Variants in C1QL3 observed in about 807,000 individuals in gnomAD.
The protein encoded by C1QL3 is complement C1q-like protein 3.
A neutral mutation model predicts 16.6 loss-of-function variants in C1QL3; 4 were observed. The observed-to-expected ratio is 0.24, with a 90% CI of 0.12 to 0.55. The LOEUF is 0.55. C1QL3 is among the 20% of genes least tolerant of loss of function. The pLI is 0.94. For synonymous variants in C1QL3, 189 were observed against 160.2 expected, an observed-to-expected ratio of 1.18 and a Z score of -1.36; for missense variants, 269 against 365.6, an observed-to-expected ratio of 0.74 and a Z score of 2.16.
Position 16,520,451 on chromosome 10 carries a change from C to CCCAA in C1QL3, c.588+26_588+27insTTGG. 17 of 1,268,026 alleles carry CCCAA rather than the reference C, an allele frequency of 1.3e-5. No homozygotes were observed. The highest frequency in any genetic ancestry group is 1.9e-5 in the Non-Finnish European group (17 of 905,324). The allele number at this position is 1,268,026 out of a possible 1,614,324, so 78.5% of individuals were successfully genotyped here. A position where few individuals can be genotyped will look rare whatever the true frequency, so the allele number is the denominator to read the frequency against. ...CGCACCTTCCCGCGCTCCCTCCCCGCCCTCCCCGCCGCCCGCCCGCGCTCA... is the reference window on the plus strand; with the variant it reads ...CGCACCTTCCCGCGCTCCCTCCCCGCCCAACCTCCCCGCCGCCCGCCCGCGCTCA... On this transcript the variant is annotated intron_variant, in intron 1 of 1. Transcript: ENST00000298943. This position sits in a 1 kb window ranked among gnomAD's most constrained non-coding sequence, Gnocchi z 8.3.
chr10:16,515,637 A>T (rs930873547), intron 1 of C1QL3, among the ~76,000 whole-genome samples: 3 of 152,150 alleles, frequency 2.0e-5, no homozygotes, highest in Non-Finnish European at 4.4e-5. Context: ...CAAACAGTCA[A>T]ATTGCCTATC....
At chr10:16,517,955 T>C (rs45438202) in intron 1 of C1QL3, among the ~76,000 whole-genome samples, 40,472 of 152,026 alleles carry the variant, frequency 0.27, 5,668 homozygotes, top group Middle Eastern at 0.4. Flanking sequence ...GGCTCTCATA[T>C]GGTTACAGTC....
intron 1 of C1QL3, among the ~76,000 whole-genome samples, chr10:16,518,826 G>A (rs1200288970): frequency 6.6e-6 from 1 of 152,102 alleles, no homozygotes; most frequent in Non-Finnish European, 1.5e-5. Context: ...ATAAAGGGGT[G>A]TCTCATGGCT....
chr10:16,519,140 C>CTGTTTTTTTTTTTTTTTT, intron 1 of C1QL3, among the ~76,000 whole-genome samples: 1 of 39,458 alleles, frequency 2.5e-5, no homozygotes, highest in African/African-American at 1.5e-4. Flanking sequence ...GCATTTAGGA[C>CTGTTTTTTTTTTTTTTTT]TTTTTTTTTT....
chr10:16,514,454 A>T lies in C1QL3; in HGVS notation c.*74T>A. ...TGCCCTGCCATTGGCATCCCCTGGGATCCTTGATTCACTGACGTTAGCCAT... is the reference window on the plus strand; with the variant it reads ...TGCCCTGCCATTGGCATCCCCTGGGTTCCTTGATTCACTGACGTTAGCCAT... On this transcript the variant is annotated 3_prime_UTR_variant, in exon 2 of 2. Coordinates refer to ENST00000298943, the MANE Select transcript of C1QL3 (RefSeq NM_001010908.2). 7.5e-7 allele frequency: 1 copy of T among 1,329,292 alleles called. No individual in the cohort carries two copies. The highest frequency in any genetic ancestry group is 1.3e-5 in the South Asian group (1 of 74,918). 82.3% of individuals were successfully genotyped at this position (1,329,292 alleles called of 1,614,324 possible). A position where few individuals can be genotyped will look rare whatever the true frequency, so the allele number is the denominator to read the frequency against.
chr10:16,520,825 G>A lies in C1QL3; in HGVS notation c.241C>T (p.Pro81Ser). 3 of 1,365,416 alleles carry A rather than the reference G, an allele frequency of 2.2e-6. No individual in the cohort carries two copies. Among genetic ancestry groups the A allele is most frequent in the South Asian group, 3.5e-5 (2 of 57,586 alleles). 84.6% of individuals were successfully genotyped at this position (1,365,416 alleles called of 1,614,324 possible). The change falls in exon 1 of 2, where the codon CCC (proline) becomes TCC (serine). Residue 81 changes from proline to serine, a missense_variant. Pro to Ser is a moderately conservative substitution (Grantham distance 74, BLOSUM62 -1). Coordinates refer to ENST00000298943, the MANE Select transcript of C1QL3 (RefSeq NM_001010908.2). This position sits in a 1 kb window ranked among gnomAD's most constrained non-coding sequence, Gnocchi z 8.3. The stretch of plus-strand genomic sequence containing the variant: ...GGCCCCATGGGGCCGGGTGGCCCGG[G>A]CTCTCCGGGGGGCCCGCGCGGACCC... ...KAGPRGPPGEPGPPGPMGPPG... is the reference protein window; with the variant it reads ...KAGPRGPPGESGPPGPMGPPG...
At position 16,521,551 on chromosome 10, in the gene C1QL3, G is replaced by T; in HGVS notation, c.-486C>A. On this transcript the variant is annotated 5_prime_UTR_variant, in exon 1 of 2. Transcript: ENST00000298943. Reference sequence around the variant, plus strand: ...GCCTGTTCGCACCAACTTTCCGTCTGAAGTTGCCTTTTTCTGCCTCCTCCT... The same window carrying T: ...GCCTGTTCGCACCAACTTTCCGTCTTAAGTTGCCTTTTTCTGCCTCCTCCT... The T allele has an allele frequency of 6.5e-6, 1 of 153,646 alleles. No individual in the cohort carries two copies. The allele number at this position is 153,646 out of a possible 1,614,324, so 9.5% of individuals were successfully genotyped here.
Position 16,514,381 on chromosome 10 carries a change from G to C in C1QL3, c.*147C>G. 1 of 646,948 alleles carries C rather than the reference G, an allele frequency of 1.5e-6. No homozygotes were observed. Among genetic ancestry groups the C allele is most frequent in the Non-Finnish European group, 2.7e-6 (1 of 366,988 alleles). The allele number at this position is 646,948 out of a possible 1,614,324, so 40.1% of individuals were successfully genotyped here. On this transcript the variant is annotated 3_prime_UTR_variant, in exon 2 of 2. Transcript: ENST00000298943. ...TTACATAATGTTTCTGAGTGATACA[G>C]ATGTGAGTCAGGTAGCATTTGATTT...
intron 1 of C1QL3, among the ~76,000 whole-genome samples, chr10:16,517,524 T>C (rs1836969879): frequency 6.6e-6 from 1 of 152,224 alleles, no homozygotes. Context: ...TTCTTCATGT[T>C]TTCTGCTAAA....
intron 1 of C1QL3, among the ~76,000 whole-genome samples, chr10:16,519,140 C>CTTTTTTGTTTTTTTTTTTTTTT (rs1836996831): frequency 5.1e-5 from 2 of 39,476 alleles, no homozygotes; most frequent in African/African-American, 1.5e-4. Context: ...GCATTTAGGA[C>CTTTTTTGTTTTTTTTTTTTTTT]TTTTTTTTTT....
rs567187339 is a variant in C1QL3, at chr10:16,519,140, C to CTTTTTT, written c.588+1332_588+1337dup. The stretch of plus-strand genomic sequence containing the variant: ...TTTTTTCTCTCTTACGCATTTAGGA[C>CTTTTTT]TTTTTTTTTTTTTTTTTTGGTCTTT... On this transcript the variant is annotated intron_variant, in intron 1 of 1. Coordinates refer to ENST00000298943, the MANE Select transcript of C1QL3 (RefSeq NM_001010908.2). Among the ~76,000 whole-genome samples, 107 of 39,438 alleles carry CTTTTTT rather than the reference C, an allele frequency of 2.7e-3. 8 individuals carry two copies. Among genetic ancestry groups the CTTTTTT allele is most frequent in the African/African-American group, 0.013 (84 of 6,452 alleles). The allele number at this position is 39,438 out of a possible 152,430, so 25.9% of individuals were successfully genotyped here. A position where few individuals can be genotyped will look rare whatever the true frequency, so the allele number is the denominator to read the frequency against.
chr10:16,519,701 G>A (rs1032414798), intron 1 of C1QL3, among the ~76,000 whole-genome samples: 12 of 152,078 alleles, frequency 7.9e-5, no homozygotes, highest in African/African-American at 2.9e-4. Flanking sequence ...GCTCGAACCG[G>A]TCGCCCCCCA....
At position 16,514,015 on chromosome 10, in the gene C1QL3, CAA is replaced by C. The variant is rs1421684695; in HGVS notation, c.*511_*512del. 3.5e-6 allele frequency: 1 copy of C among 287,886 alleles called. No individual in the cohort carries two copies. The highest frequency in any genetic ancestry group is 6.4e-6 in the Non-Finnish European group (1 of 156,736). 17.8% of individuals were successfully genotyped at this position (287,886 alleles called of 1,614,324 possible). On this transcript the variant is annotated 3_prime_UTR_variant, in exon 2 of 2. Coordinates refer to ENST00000298943, the MANE Select transcript of C1QL3 (RefSeq NM_001010908.2). ...TTCCCAGGTCTAGCTCTAAGGTTAA[CAA>C]GAGTACAAGGCAAACAATTTCTTTG...
Position 16,520,441 on chromosome 10 carries a change from T to TCCCGCCCC in C1QL3, c.588+36_588+37insGGGGCGGG. ...CCCTCTCGCCCGCACCTTCCCGCGCTCCCTCCCCGCCCTCCCCGCCGCCCG... is the reference window on the plus strand; with the variant it reads ...CCCTCTCGCCCGCACCTTCCCGCGCTCCCGCCCCCCCTCCCCGCCCTCCCCGCCGCCCG... On this transcript the variant is annotated intron_variant, in intron 1 of 1. Transcript: ENST00000298943. The surrounding 1 kb of genome is among the most constrained non-coding windows in gnomAD (Gnocchi z 8.3). 1.1e-5 allele frequency: 14 copies of TCCCGCCCC among 1,227,532 alleles called. No homozygotes were observed. The highest frequency in any genetic ancestry group is 1.6e-5 in the Non-Finnish European group (14 of 881,044). The allele number at this position is 1,227,532 out of a possible 1,614,324, so 76.0% of individuals were successfully genotyped here.
chr10:16,514,116 A>T lies in C1QL3; in HGVS notation c.*412T>A. On this transcript the variant is annotated 3_prime_UTR_variant, in exon 2 of 2. Transcript: ENST00000298943. ...TCATTCTTCCCCACACTATGAATGG[A>T]CTCCAAGTATCATAATAAGCAGGTA... 2.5e-6 allele frequency: 1 copy of T among 392,662 alleles called. No individual in the cohort carries two copies. The highest frequency in any genetic ancestry group is 3.6e-5 in the East Asian group (1 of 27,732). 24.3% of individuals were successfully genotyped at this position (392,662 alleles called of 1,614,324 possible). A position where few individuals can be genotyped will look rare whatever the true frequency, so the allele number is the denominator to read the frequency against.
At position 16,514,301 on chromosome 10, in the gene C1QL3, G is replaced by A. The variant is rs953368192; in HGVS notation, c.*227C>T. ...TTCACATGGACACTAACGATAAGGA[G>A]TATTTGCTTTGGCGGTAGTGGATCA... On this transcript the variant is annotated 3_prime_UTR_variant, in exon 2 of 2. Coordinates refer to ENST00000298943, the MANE Select transcript of C1QL3 (RefSeq NM_001010908.2). 1.8e-6 allele frequency: 1 copy of A among 570,272 alleles called. No homozygotes were observed. The highest frequency in any genetic ancestry group is 2.8e-5 in the East Asian group (1 of 35,496). The allele number at this position is 570,272 out of a possible 1,614,324, so 35.3% of individuals were successfully genotyped here.
At position 16,520,436 on chromosome 10, in the gene C1QL3, C is replaced by A; in HGVS notation, c.588+42G>T. 1 of 1,369,890 alleles carries A rather than the reference C, an allele frequency of 7.3e-7. No homozygotes were observed. The highest frequency in any genetic ancestry group is 1.5e-5 in the African/African-American group (1 of 67,260). 84.9% of individuals were successfully genotyped at this position (1,369,890 alleles called of 1,614,324 possible). On this transcript the variant is annotated intron_variant, in intron 1 of 1. Transcript: ENST00000298943. This position sits in a 1 kb window ranked among gnomAD's most constrained non-coding sequence, Gnocchi z 8.3. ...CTCCTCCCTCTCGCCCGCACCTTCCCGCGCTCCCTCCCCGCCCTCCCCGCC... is the reference window on the plus strand; with the variant it reads ...CTCCTCCCTCTCGCCCGCACCTTCCAGCGCTCCCTCCCCGCCCTCCCCGCC...
chr10:16,514,016 A>C lies in C1QL3; in HGVS notation c.*512T>G. On this transcript the variant is annotated 3_prime_UTR_variant, in exon 2 of 2. Transcript: ENST00000298943. ...TCCCAGGTCTAGCTCTAAGGTTAAC[A>C]AGAGTACAAGGCAAACAATTTCTTT... 1 of 291,472 alleles carries C rather than the reference A, an allele frequency of 3.4e-6. No homozygotes were observed. Among genetic ancestry groups the C allele is most frequent in the Non-Finnish European group, 6.3e-6 (1 of 158,896 alleles). 18.1% of individuals were successfully genotyped at this position (291,472 alleles called of 1,614,324 possible).
chr10:16,520,222 G>A lies in C1QL3; in HGVS notation c.588+256C>T, dbSNP rs931302777. ...CCCGGCTTCCCGCCCCTCGAGGGTC[G>A]CGCTCGCAGGGGCGCGCACCGATCG... is the stretch of plus-strand genomic sequence containing the variant. On this transcript the variant is annotated intron_variant, in intron 1 of 1. Transcript: ENST00000298943. This position sits in a 1 kb window ranked among gnomAD's most constrained non-coding sequence, Gnocchi z 8.3. Among the ~76,000 whole-genome samples the A allele has an allele frequency of 6.6e-6, 1 of 152,090 alleles. No homozygotes were observed. The highest frequency in any genetic ancestry group is 6.5e-5 in the Admixed American group (1 of 15,298).
Sources: allele counts gnomAD v4.1 joint callset (sites outside exome capture counted in the v4.1 genomes callset), GRCh38; gene constraint gnomAD v4.1.1; non-coding constraint Gnocchi (gnomAD v3.1); transcripts MANE v1.5; gene names NCBI Gene and HGNC (gene_info 2026-07-23, HGNC 2026-07-21).